The following POU2F3 variants were observed in gnomAD, a reference collection of about 807,000 sequenced individuals.
The protein encoded by POU2F3 is POU class 2 homeobox 3.
In POU2F3, 23 loss-of-function variants were observed where a neutral mutation model predicts 59.2. The observed-to-expected ratio is 0.39, with a 90% confidence interval of 0.28 to 0.55. POU2F3 has a LOEUF of 0.55. Ranked by LOEUF, POU2F3 falls within the 20% of genes least tolerant of loss-of-function variation. POU2F3 has a pLI of 0.66. For synonymous variants in POU2F3, 190 were observed against 214.6 expected, an observed-to-expected ratio of 0.89 and a Z score of 1.00; for missense variants, 473 against 544.5, an observed-to-expected ratio of 0.87 and a Z score of 1.31.
chr11:120,309,768 CAGTAGAGAGGTCAGAG>C (rs1427450013), intron 10 of POU2F3, among the ~76,000 whole-genome samples, 182 bp downstream of exon 10: 1 of 152,118 alleles, frequency 6.6e-6, no homozygotes, highest in African/African-American at 2.4e-5. Flanking sequence ...GATACTCTTT[CAGTAGAGAGGTCAGAG>C]AGGACCTCCC....
At chr11:120,274,150 A>AGGAAGGAAGGAG (rs1940222856) in intron 3 of POU2F3, among the ~76,000 whole-genome samples, 3 of 148,064 alleles carry the variant, frequency 2.0e-5, no homozygotes, top group Non-Finnish European at 4.5e-5. Flanking sequence ...GAAGGAAGGA[A>AGGAAGGAAGGAG]GGAAGGAAAT....
At chr11:120,248,081 T>C (rs2135131728) in intron 2 of POU2F3, among the ~76,000 whole-genome samples, 1 of 152,322 alleles carries the variant, frequency 6.6e-6, no homozygotes, top group South Asian at 2.1e-4. Flanking sequence ...GGTTAGTGTG[T>C]TATGGTCAAT....
upstream of POU2F3, chr11:120,236,677 G>C (rs552198291): frequency 1.3e-6 from 2 of 1,504,392 alleles, no homozygotes; most frequent in South Asian, 1.2e-5. Context: ...CGGTTTCATG[G>C]AGTCTCCAAG....
chr11:120,302,487 G>GTTCCCTGCTATCCC, intron 6 of POU2F3, 119 bp downstream of exon 6: 2 of 904,884 alleles, frequency 2.2e-6, no homozygotes, highest in Non-Finnish European at 3.4e-6. Context: ...AGAGGGGATA[G>GTTCCCTGCTATCCC]CAGGGAACTA....
chr11:120,236,719 C>G, upstream of POU2F3: 4 of 1,476,460 alleles, frequency 2.7e-6, no homozygotes, highest in South Asian at 1.2e-5. Flanking sequence ...TAAAGGAGTT[C>G]TCTACGTTCC....
In POU2F3 at chr11:120,298,350, C is replaced by G. The variant is rs1370671673; in HGVS notation, c.218C>G (p.Ser73Cys). The part of the protein sequence containing the change: ...CHLSQGPAMM[S>C]GNQMSGLNAS... Reference sequence around the variant, plus strand: ...CTGAGTCAAGGACCTGCCATGATGTCCGGAAACCAAATGTCTGGGCTAAAT... The same window carrying G: ...CTGAGTCAAGGACCTGCCATGATGTGCGGAAACCAAATGTCTGGGCTAAAT... Residue 73 changes from serine to cysteine, a missense_variant, in exon 4 of 13, where the codon TCC becomes TGC. Coordinates refer to ENST00000543440, the MANE Select transcript of POU2F3 (RefSeq NM_014352.4). 6.2e-7 allele frequency: 1 copy of G among 1,613,860 alleles called. No individual in the cohort carries two copies.
intron 10 of POU2F3, among the ~76,000 whole-genome samples, chr11:120,313,913 T>C (rs1025675274): frequency 1.3e-5 from 2 of 151,838 alleles, no homozygotes; most frequent in Non-Finnish European, 2.9e-5. Flanking sequence ...ACTCGGGAGA[T>C]TGAGACAAAA....
At chr11:120,316,378 C>T (rs1158284698) in intron 11 of POU2F3, among the ~76,000 whole-genome samples, 2 of 152,174 alleles carry the variant, frequency 1.3e-5, no homozygotes, top group African/African-American at 4.8e-5. Context: ...GGCTGGGGAC[C>T]AAGACAGGGC....
At chr11:120,257,339 T>A (rs929651304) in intron 2 of POU2F3, among the ~76,000 whole-genome samples, 4 of 151,900 alleles carry the variant, frequency 2.6e-5, no homozygotes, top group Non-Finnish European at 4.4e-5. Flanking sequence ...TTTTGTTCCT[T>A]TCTGCTATTT....
rs566212873 is a variant in POU2F3, at chr11:120,305,453, C to T, written c.628-191C>T. 7.9e-6 allele frequency: 8 copies of T among 1,014,378 alleles called. No homozygotes were observed. In the East Asian group the frequency reaches 1.5e-4, roughly 19 times the overall value. 62.8% of individuals were successfully genotyped at this position (1,014,378 alleles called of 1,614,324 possible). A position where few individuals can be genotyped will look rare whatever the true frequency, so the allele number is the denominator to read the frequency against. On this transcript the variant is annotated intron_variant, in intron 7 of 12. Coordinates refer to ENST00000543440, the MANE Select transcript of POU2F3 (RefSeq NM_014352.4). ...CTCCTGAGCACGTGGGCGTGGTCCA[C>T]TGAGAGTCTAAGGAGAGAAAGAAAC... is the stretch of plus-strand genomic sequence containing the variant.
intron 8 of POU2F3, among the ~76,000 whole-genome samples, chr11:120,306,698 G>GATTC (rs1941501010): frequency 1.3e-5 from 2 of 152,260 alleles, no homozygotes; most frequent in East Asian, 3.9e-4. Flanking sequence ...GATTCATATG[G>GATTC]ATTCGTGGTT....
At chr11:120,251,613 G>A (rs1022365532) in intron 2 of POU2F3, among the ~76,000 whole-genome samples, 1 of 152,138 alleles carries the variant, frequency 6.6e-6, no homozygotes, top group African/African-American at 2.4e-5. Flanking sequence ...CAGACATGGA[G>A]GGGGTCCTGA....
intron 3 of POU2F3, among the ~76,000 whole-genome samples, chr11:120,275,584 G>A (rs994344043): frequency 6.6e-6 from 1 of 152,196 alleles, no homozygotes; most frequent in Non-Finnish European, 1.5e-5. Context: ...GATCAGGACA[G>A]TGTTTTATGT....
chr11:120,298,006 A>C (rs1189566464), intron 3 of POU2F3, among the ~76,000 whole-genome samples: 1 of 147,234 alleles, frequency 6.8e-6, no homozygotes, highest in Non-Finnish European at 1.5e-5. Context: ...TCAAATTCCT[A>C]CATCGAGCCC....
chr11:120,300,435 G>A (rs1474238456), intron 5 of POU2F3, among the ~76,000 whole-genome samples: 1 of 152,042 alleles, frequency 6.6e-6, no homozygotes, highest in African/African-American at 2.4e-5. Context: ...TGTGCTGCCT[G>A]TCCCACTCCC....
chr11:120,315,869 T>C (rs1591448478), intron 11 of POU2F3, among the ~76,000 whole-genome samples: 1 of 111,474 alleles, frequency 9.0e-6, no homozygotes, highest in South Asian at 3.8e-4. Context: ...CTTCCACTTT[T>C]TTTTTTTTTT....
In POU2F3 at chr11:120,285,822, G is replaced by T. The variant is rs1940760224; in HGVS notation, c.133-12443G>T. Among the ~76,000 whole-genome samples, 1 of 152,148 alleles carries T rather than the reference G, an allele frequency of 6.6e-6. No homozygotes were observed. The highest frequency in any genetic ancestry group is 1.5e-5 in the Non-Finnish European group (1 of 68,032). ...AATAATGTTTATAGGTTGTTTCATG[G>T]CAGTACATAGAGAGTTATATGATTT... On this transcript the variant is annotated intron_variant, in intron 3 of 12. Transcript: ENST00000543440. This position sits in a 1 kb window ranked among gnomAD's most constrained non-coding sequence, Gnocchi z 4.3.
rs7110919 is a variant in POU2F3, at chr11:120,304,911, G to A, written c.445-119G>A. On this transcript the variant is annotated intron_variant, in intron 6 of 12. Transcript: ENST00000543440. ...TCCAATGTACCCAGGGTGTATCCAG[G>A]GATCTGTCATCCTCTAAGTGGGCCT... 2.1e-3 allele frequency: 1,621 copies of A among 779,072 alleles called. 22 individuals carry two copies. In the African/African-American group the frequency reaches 0.03, roughly 15 times the overall value. 48.3% of individuals were successfully genotyped at this position (779,072 alleles called of 1,614,324 possible).
intron 2 of POU2F3, among the ~76,000 whole-genome samples, chr11:120,262,962 AATTTATTTATTT>A (rs34700321): frequency 3.3e-4 from 40 of 122,744 alleles, no homozygotes; most frequent in Non-Finnish European, 4.5e-4. Flanking sequence ...TTATTTATTT[AATTTATTTATTT>A]ATTTATTTAT....
Sources: gnomAD v4.1 joint callset for allele counts (sites outside exome capture counted in the v4.1 genomes callset) on GRCh38, gnomAD v4.1.1 for gene constraint, Gnocchi (gnomAD v3.1) non-coding constraint, MANE v1.5 for transcripts, NCBI Gene and HGNC (gene_info 2026-07-23, HGNC 2026-07-21) for gene names.